DDR2: variants seen among roughly 807,000 people sequenced by gnomAD.
DDR2 encodes discoidin domain receptor tyrosine kinase 2.
Under a neutral mutation model 94.9 loss-of-function variants are expected in DDR2, and 27 were observed. The observed-to-expected ratio is 0.28, with a 90% CI of 0.21 to 0.39. DDR2 has a LOEUF of 0.39. Ranked by LOEUF, DDR2 falls within the 10% of genes least tolerant of loss-of-function variation. The pLI, the probability that DDR2 is intolerant of heterozygous loss-of-function variation, is 1.00. For synonymous variants in DDR2, 382 were observed against 377.2 expected (o/e 1.01, Z -0.15); for missense variants, 783 against 1,076.0 (o/e 0.73, Z 3.81).
chr1:162,750,677 C>T (rs1373927151), intron 3 of DDR2, among the ~76,000 whole-genome samples: 15 of 151,716 alleles, frequency 9.9e-5, no homozygotes, highest in African/African-American at 2.4e-4. Context: ...AAAAAGAGCC[C>T]GCATTGCCAA....
chr1:162,757,647 AT>A (rs1663524019), intron 7 of DDR2, among the ~76,000 whole-genome samples: 1 of 152,194 alleles, frequency 6.6e-6, no homozygotes, highest in South Asian at 2.1e-4. Flanking sequence ...GTCATTGAAG[AT>A]TTTTAAAGCT....
At position 162,770,463 on chromosome 1, in the gene DDR2, C is replaced by G. The variant is rs1350096561; in HGVS notation, c.1455C>G (p.Ser485=). The part of the protein sequence containing the change: ...FPLRPDYQEP[S]RLIRKLPEFA... ...TTCGCCCTGACTACCAGGAGCCATC[C>G]AGGCTGATACGAAAACTCCCAGAAT... The change falls in exon 12 of 18, where the codon TCC becomes TCG. Residue 485 remains serine, a synonymous_variant. Transcript: ENST00000367921. The G allele has an allele frequency of 2.5e-6, 4 of 1,614,132 alleles. No homozygotes were observed. The East Asian group carries it at 8.9e-5, about 36-fold the overall frequency.
At chr1:162,734,681 G>A (rs376662264) in intron 3 of DDR2, among the ~76,000 whole-genome samples, 1 of 152,266 alleles carries the variant, frequency 6.6e-6, no homozygotes, top group African/African-American at 2.4e-5. Context: ...GGAGCATCAT[G>A]CACAGAGACC....
At chr1:162,694,876 C>T (rs1034001451) in intron 2 of DDR2, among the ~76,000 whole-genome samples, 1 of 151,992 alleles carries the variant, frequency 6.6e-6, no homozygotes, top group African/African-American at 2.4e-5. Flanking sequence ...TTTTGTGTTC[C>T]ATAATTTCTC....
intron 8 of DDR2, among the ~76,000 whole-genome samples, chr1:162,760,941 G>A (rs568321603): frequency 1.3e-5 from 2 of 151,356 alleles, no homozygotes; most frequent in African/African-American, 4.8e-5. Context: ...GTGAGAATAT[G>A]TGTATTCTCA....
intron 1 of DDR2, among the ~76,000 whole-genome samples, chr1:162,635,402 C>A (rs1431965954): frequency 1.3e-5 from 2 of 152,172 alleles, no homozygotes; most frequent in Non-Finnish European, 2.9e-5. Flanking sequence ...TGCTTTCAGG[C>A]ACTTCACATC....
chr1:162,754,159 T>C (rs1217796509), intron 4 of DDR2, among the ~76,000 whole-genome samples: 1 of 152,190 alleles, frequency 6.6e-6, no homozygotes, highest in Non-Finnish European at 1.5e-5. Flanking sequence ...CTATGGCTCC[T>C]TGCTGGTCTG....
chr1:162,738,186 A>C (rs1323377148), intron 3 of DDR2, among the ~76,000 whole-genome samples: 1 of 123,116 alleles, frequency 8.1e-6, no homozygotes, highest in African/African-American at 3.2e-5. Context: ...TGCAGACGAC[A>C]TGATTGTTTA....
intron 2 of DDR2, among the ~76,000 whole-genome samples, chr1:162,690,596 G>T (rs1184708120): frequency 1.3e-5 from 2 of 152,062 alleles, no homozygotes; most frequent in African/African-American, 4.8e-5. Context: ...ATCTGTAAAA[G>T]ATGAGAATTA....
In DDR2 at chr1:162,759,879, C is replaced by A. The variant is rs2102150151; in HGVS notation, c.755C>A (p.Pro252His). The change falls in exon 8 of 18, where the codon CCC becomes CAC. Residue 252 changes from proline to histidine, a missense_variant. Physicochemically the swap from Pro to His is moderately conservative, Grantham distance 77 (BLOSUM62 -2). Transcript: ENST00000367921. ...CAGACCCATGAATACCACGTGTGGC[C>A]CGGCTATGACTATGTGGGCTGGCGG... ...FTQTHEYHVW[P>H]GYDYVGWRNE... 6.2e-7 allele frequency: 1 copy of A among 1,614,128 alleles called. No individual in the cohort carries two copies. Among genetic ancestry groups the A allele is most frequent in the Non-Finnish European group, 8.5e-7 (1 of 1,180,020 alleles).
At chr1:162,761,090 C>T in intron 8 of DDR2, 121 bp from the exon 9 acceptor site, 1 of 1,433,404 alleles carries the variant, frequency 7.0e-7, no homozygotes, top group East Asian at 2.3e-5. Context: ...CAGTCTTCCT[C>T]TTACCTCAGT....
intron 3 of DDR2, among the ~76,000 whole-genome samples, chr1:162,722,918 T>C (rs1185385453): frequency 1.3e-5 from 2 of 152,236 alleles, no homozygotes; most frequent in African/African-American, 4.8e-5. Flanking sequence ...TGGCTGTTTT[T>C]TGCAAGAAAG....
chr1:162,718,941 A>T, intron 2 of DDR2, 96 bp from the exon 3 acceptor site: 1 of 1,257,866 alleles, frequency 7.9e-7, no homozygotes, highest in African/African-American at 1.5e-5. Context: ...ACACAAAATT[A>T]ATTGTGAGAA....
intron 1 of DDR2, among the ~76,000 whole-genome samples, chr1:162,633,740 A>G (rs1034955171): frequency 3.3e-5 from 5 of 152,258 alleles, no homozygotes; most frequent in African/African-American, 9.6e-5. Flanking sequence ...GAGGACGCCA[A>G]TGGCGGCTCA....
chr1:162,738,086 T>A (rs1241470750), intron 3 of DDR2, among the ~76,000 whole-genome samples: 2,691 of 130,796 alleles, frequency 0.021, 57 homozygotes, highest in African/African-American at 0.057. Flanking sequence ...TATTCAACAT[T>A]GTGTTGGAAG....
chr1:162,666,443 C>T (rs1035346015), intron 2 of DDR2, among the ~76,000 whole-genome samples: 2 of 152,152 alleles, frequency 1.3e-5, no homozygotes, highest in Admixed American at 6.6e-5. Flanking sequence ...TCAGTGTGAA[C>T]TCCGGAAAGA....
chr1:162,701,539 A>G (rs1660431155), intron 2 of DDR2, among the ~76,000 whole-genome samples: 1 of 152,238 alleles, frequency 6.6e-6, no homozygotes, highest in East Asian at 1.9e-4. Flanking sequence ...GCTGATGTCA[A>G]GTTAACCTGC....
At chr1:162,770,098 C>T (rs1399390579) in intron 11 of DDR2, among the ~76,000 whole-genome samples, 4 of 151,878 alleles carry the variant, frequency 2.6e-5, no homozygotes, top group Non-Finnish European at 5.9e-5. Flanking sequence ...CAAATTCTAC[C>T]TTGAAGAAAT....
intron 2 of DDR2, among the ~76,000 whole-genome samples, chr1:162,660,105 A>G (rs182834285): frequency 5.8e-4 from 89 of 152,236 alleles, no homozygotes; most frequent in Admixed American, 6.5e-4. Context: ...TGGTTTCTCC[A>G]TTTATGATGG....
Sources: allele counts gnomAD v4.1 joint callset (sites outside exome capture counted in the v4.1 genomes callset), GRCh38; gene constraint gnomAD v4.1.1; transcripts MANE v1.5; gene names NCBI Gene and HGNC (gene_info 2026-07-23, HGNC 2026-07-21).